The following ANKRD11 variants were observed in gnomAD, a reference collection of about 807,000 sequenced individuals.
ANKRD11 encodes the protein ankyrin repeat domain 11, also known as ankyrin repeat domain-containing protein 11.
A neutral mutation model predicts 195.7 loss-of-function variants in ANKRD11; 17 were observed. The ratio of observed to expected loss-of-function variants is 0.09; its 90% CI spans 0.06 to 0.13. The LOEUF is 0.13. Ranked by LOEUF, ANKRD11 falls within the 10% of genes least tolerant of loss-of-function variation. ANKRD11 has a pLI of 1.00. For synonymous variants in ANKRD11, 1,953 were observed against 1,528.1 expected (o/e 1.28, Z -6.49); for missense variants, 3,735 against 3,566.1 (o/e 1.05, Z -1.21).
intron 1 of ANKRD11, among the ~76,000 whole-genome samples, chr16:89,466,193 G>A (rs1292095359): frequency 1.3e-5 from 2 of 151,878 alleles, no homozygotes; most frequent in Non-Finnish European, 2.9e-5. Flanking sequence ...CAAGCAACGA[G>A]CCCCCACCTG....
In ANKRD11 at chr16:89,280,854, G is replaced by C. The variant is rs775035859; in HGVS notation, c.5688C>G (p.Ala1896=). Residue 1896 remains alanine, a synonymous_variant, in exon 9 of 13, where the codon GCC becomes GCG. Transcript: ENST00000301030. ...LQAKPSPSPR[A]ELLVPSLEGA... ...CTTCGAGGGAAGGAACCAGCAGCTC[G>C]GCTCTGGGGGAAGGGGAAGGTTTTG... The C allele has an allele frequency of 3.4e-5, 54 of 1,603,808 alleles. No homozygotes were observed. The highest frequency in any genetic ancestry group is 1.0e-4 in the Admixed American group (6 of 59,412).
intron 1 of ANKRD11, among the ~76,000 whole-genome samples, chr16:89,451,255 A>T (rs2044058003): frequency 6.6e-6 from 1 of 152,156 alleles, no homozygotes; most frequent in Non-Finnish European, 1.5e-5. Context: ...TTTTGTTTTA[A>T]AAGTTAATTA....
intron 2 of ANKRD11, among the ~76,000 whole-genome samples, chr16:89,369,770 G>C (rs1187715119): frequency 6.6e-6 from 1 of 152,214 alleles, no homozygotes; most frequent in African/African-American, 2.4e-5. Flanking sequence ...TCTAAGACCA[G>C]AGGGTTTCAT....
At chr16:89,317,211 C>A in intron 2 of ANKRD11, 133 bp from the exon 3 acceptor site, 1 of 715,714 alleles carries the variant, frequency 1.4e-6, no homozygotes, top group South Asian at 1.6e-5. Flanking sequence ...GGGCCCGGGC[C>A]AGGCCCAGGA....
intron 4 of ANKRD11, among the ~76,000 whole-genome samples, chr16:89,304,912 G>C (rs2036086595): frequency 6.6e-6 from 1 of 152,228 alleles, no homozygotes; most frequent in African/African-American, 2.4e-5. Context: ...AGACCCACAG[G>C]TGAGCAGCCC....
intron 2 of ANKRD11, among the ~76,000 whole-genome samples, chr16:89,331,513 A>G (rs1308806724): frequency 6.6e-6 from 1 of 152,234 alleles, no homozygotes; most frequent in Non-Finnish European, 1.5e-5. Context: ...CAGTTCAAAC[A>G]AAGAACTGCT....
At chr16:89,423,147 C>T (rs1407584230) in intron 1 of ANKRD11, among the ~76,000 whole-genome samples, 2 of 152,208 alleles carry the variant, frequency 1.3e-5, no homozygotes, top group Non-Finnish European at 2.9e-5. Flanking sequence ...CTTCCCAACA[C>T]CCTCAGAGCC....
chr16:89,382,304 G>C (rs1470802446), intron 2 of ANKRD11, among the ~76,000 whole-genome samples: 1 of 150,320 alleles, frequency 6.7e-6, no homozygotes, highest in African/African-American at 2.4e-5. Context: ...AGACAGCCAG[G>C]CACCCGAAGT....
intron 2 of ANKRD11, among the ~76,000 whole-genome samples, chr16:89,391,381 G>A (rs1388927411): frequency 2.0e-5 from 3 of 152,154 alleles, no homozygotes; most frequent in Non-Finnish European, 4.4e-5. Flanking sequence ...CCTCTCCCTG[G>A]TGGACCCCGT....
At chr16:89,351,646 T>A (rs1293772708) in intron 2 of ANKRD11, among the ~76,000 whole-genome samples, 1 of 152,200 alleles carries the variant, frequency 6.6e-6, no homozygotes, top group Non-Finnish European at 1.5e-5. Context: ...ATAGGCCCTG[T>A]GACCTGGGCG....
intron 2 of ANKRD11, among the ~76,000 whole-genome samples, chr16:89,416,745 C>T (rs1221744947): frequency 1.4e-5 from 2 of 145,512 alleles, no homozygotes; most frequent in Non-Finnish European, 3.0e-5. Context: ...GCCTGGACAA[C>T]GTAACAAGAC....
intron 4 of ANKRD11, among the ~76,000 whole-genome samples, chr16:89,296,479 T>C (rs1377908402): frequency 6.6e-6 from 1 of 152,242 alleles, no homozygotes; most frequent in African/African-American, 2.4e-5. Context: ...AATACTTTCT[T>C]ATGTTGTGTC....
At chr16:89,339,411 C>A (rs1033818792) in intron 2 of ANKRD11, among the ~76,000 whole-genome samples, 2 of 152,152 alleles carry the variant, frequency 1.3e-5, no homozygotes, top group Non-Finnish European at 2.9e-5. Context: ...GAAAGCTGGT[C>A]GGTAGCATCA....
chr16:89,432,268 CACACACACA>C (rs2043013086), intron 1 of ANKRD11, among the ~76,000 whole-genome samples: 2 of 151,414 alleles, frequency 1.3e-5, no homozygotes, highest in African/African-American at 2.4e-5. Flanking sequence ...CACACACACA[CACACACACA>C]CCCCTGGAAA....
At chr16:89,343,312 G>C (rs3102381) in intron 2 of ANKRD11, among the ~76,000 whole-genome samples, 70,466 of 152,090 alleles carry the variant, frequency 0.46, 16,558 homozygotes, top group Middle Eastern at 0.61. Flanking sequence ...TTTTTAAAAA[G>C]CAATACCTGT....
chr16:89,471,425 T>C (rs1199880829), intron 1 of ANKRD11, among the ~76,000 whole-genome samples: 1 of 152,084 alleles, frequency 6.6e-6, no homozygotes, highest in Non-Finnish European at 1.5e-5. Context: ...CCACAGGAAG[T>C]GATTCTCTTT....
intron 2 of ANKRD11, among the ~76,000 whole-genome samples, chr16:89,393,827 TAGG>T (rs2041308904): frequency 6.6e-6 from 1 of 152,018 alleles, no homozygotes; most frequent in South Asian, 2.1e-4. Flanking sequence ...ATTTAATGAA[TAGG>T]AGGAGACATG....
chr16:89,393,295 T>G (rs1004695662), intron 2 of ANKRD11, among the ~76,000 whole-genome samples: 3 of 151,704 alleles, frequency 2.0e-5, no homozygotes, highest in African/African-American at 7.3e-5. Context: ...TTCCTCTTTT[T>G]TTTACTTTTT....
chr16:89,464,978 C>T (rs1398678396), intron 1 of ANKRD11, among the ~76,000 whole-genome samples: 1 of 152,184 alleles, frequency 6.6e-6, no homozygotes, highest in African/African-American at 2.4e-5. Flanking sequence ...TTAGACAGTC[C>T]ACAGGCTAAG....
Sources: gnomAD v4.1 joint callset for allele counts (sites outside exome capture counted in the v4.1 genomes callset) on GRCh38, gnomAD v4.1.1 for gene constraint, MANE v1.5 for transcripts, NCBI Gene and HGNC (gene_info 2026-07-23, HGNC 2026-07-21) for gene names.